ZNF518A: variants seen among roughly 807,000 people sequenced by gnomAD.
The protein encoded by ZNF518A is zinc finger protein 518A.
In ZNF518A, 47 loss-of-function variants were observed where a neutral mutation model predicts 102.7. The observed-to-expected ratio is 0.46, with a 90% confidence interval of 0.36 to 0.58. ZNF518A has a LOEUF of 0.58. ZNF518A is among the 20% of genes least tolerant of loss of function. The probability of loss-of-function intolerance (pLI) is 0.00; values close to 1 mark genes in which losing one functional copy is unlikely to be tolerated. For synonymous variants in ZNF518A, 652 were observed against 594.6 expected, an observed-to-expected ratio of 1.10 and a Z score of -1.40; for missense variants, 1,793 against 1,699.8, an observed-to-expected ratio of 1.05 and a Z score of -0.96.
chr10:96,204,922 A>T, downstream of ZNF518A: 1 of 367,040 alleles, frequency 2.7e-6, no homozygotes, highest in Admixed American at 3.9e-5. Flanking sequence ...TATAGGTGGA[A>T]GCCAGAAGAT....
intron 1 of ZNF518A, among the ~76,000 whole-genome samples, chr10:96,182,240 G>A (rs1216691381): frequency 2.0e-5 from 3 of 152,086 alleles, no homozygotes; most frequent in Non-Finnish European, 4.4e-5. Context: ...CTGATACAAC[G>A]GGGTTTTCTA....
At chr10:96,179,837 CTCA>C (rs1230838573) in intron 1 of ZNF518A, among the ~76,000 whole-genome samples, 1 of 132,532 alleles carries the variant, frequency 7.5e-6, no homozygotes, top group African/African-American at 2.5e-5. Context: ...TCTCCTCCTC[CTCA>C]TCCTTCTTCT....
At chr10:96,194,768 A>ATTTTTTTTTTTCTTTTTTT (rs2083416568) in intron 1 of ZNF518A, among the ~76,000 whole-genome samples, 1 of 110,286 alleles carries the variant, frequency 9.1e-6, no homozygotes, top group Non-Finnish European at 1.8e-5. Flanking sequence ...AGAAATGCAA[A>ATTTTTTTTTTTCTTTTTTT]TTTTTTTTTT....
At chr10:96,131,623 C>T (rs587677143) in intron 1 of ZNF518A, among the ~76,000 whole-genome samples, 2 of 152,204 alleles carry the variant, frequency 1.3e-5, no homozygotes, top group East Asian at 1.9e-4. Context: ...CCAAATGTTT[C>T]CTGTTTGTTG....
Position 96,160,210 on chromosome 10 carries a change from T to TCA in ZNF518A, c.3888_3889insCA (p.Arg1297GlnfsTer43). On this transcript the variant is annotated frameshift_variant, in exon 6 of 6. Coordinates refer to ENST00000316045, the MANE Select transcript of ZNF518A (RefSeq NM_001330736.2). LOFTEE classifies it high-confidence loss of function. ...CTCCAAGAAGAAAAGCAACATTGCA[T>TCA]AGAAAGTGTAAAGAAAAGGCAAAAC... 6.2e-7 allele frequency: 1 copy of TCA among 1,611,640 alleles called. No individual in the cohort carries two copies.
intron 3 of ZNF518A, among the ~76,000 whole-genome samples, chr10:96,143,152 C>T (rs2082020080): frequency 6.6e-6 from 1 of 152,050 alleles, no homozygotes; most frequent in Non-Finnish European, 1.5e-5. Context: ...TTCCTTGGCT[C>T]CTCACTTTTT....
rs1452993251 is a variant in ZNF518A, at chr10:96,158,349, A to G, written c.2027A>G (p.Gln676Arg). The G allele has an allele frequency of 1.2e-6, 2 of 1,613,772 alleles. No individual in the cohort carries two copies. Among genetic ancestry groups the G allele is most frequent in the African/African-American group, 1.3e-5 (1 of 75,042 alleles). ...TCATCCAGCAAAACAGTTGTCCAAC[A>G]ACCAATTAGTGAATCATTTTTATCA... ...ESSSSKTVVQ[Q>R]PISESFLSLV... Residue 676 changes from glutamine (Q) to arginine (R), a missense_variant, in exon 6 of 6, where the codon CAA (glutamine) becomes CGA (arginine). By Grantham distance (43) the Gln-to-Arg change is conservative. Around this residue, in one of 3 missense-constraint regions of ZNF518A, gnomAD observed 1,741 missense variants for 1,622.6 expected, o/e 1.07. Transcript: ENST00000316045.
chr10:96,136,073 G>A (rs1219497772), intron 3 of ZNF518A, among the ~76,000 whole-genome samples: 1 of 152,020 alleles, frequency 6.6e-6, no homozygotes, highest in African/African-American at 2.4e-5. Context: ...ATGAGGTAGT[G>A]GAAAATAAGG....
At chr10:96,164,414 GA>G (rs587704636), downstream of ZNF518A, among the ~76,000 whole-genome samples, 29 of 152,306 alleles carry the variant, frequency 1.9e-4, no homozygotes, top group Admixed American at 1.9e-3. Context: ...TTACTGGGGG[GA>G]TTTTTCAGGG....
intron 1 of ZNF518A, among the ~76,000 whole-genome samples, chr10:96,181,307 C>T (rs587766597): frequency 8.9e-4 from 136 of 152,192 alleles, no homozygotes; most frequent in Non-Finnish European, 1.6e-3. Context: ...CCTGTTCACT[C>T]TGATGGTAGT....
chr10:96,153,410 A>G (rs1233067258), intron 3 of ZNF518A, among the ~76,000 whole-genome samples: 1 of 152,222 alleles, frequency 6.6e-6, no homozygotes, highest in East Asian at 1.9e-4. Flanking sequence ...GTTGATACCT[A>G]AAATTAACCA....
In ZNF518A at chr10:96,200,934, T is replaced by A. The variant is rs782446240; in HGVS notation, n.36-2640T>A. On this transcript the variant is annotated intron_variant and non_coding_transcript_variant, in intron 1 of 2. Coordinates refer to the ZNF518A transcript ENST00000442635. This position sits in a 1 kb window ranked among gnomAD's most constrained non-coding sequence, Gnocchi z 4.3. ...TCTTCTCAGAAGACATGCTCTTTCC[T>A]GCAGTTTCCTGGTAACAATTTAGTG... 1 of 1,524,276 alleles carries A rather than the reference T, an allele frequency of 6.6e-7. No individual in the cohort carries two copies. Among genetic ancestry groups the A allele is most frequent in the Non-Finnish European group, 9.1e-7 (1 of 1,098,230 alleles). 94.4% of individuals were successfully genotyped at this position (1,524,276 alleles called of 1,614,324 possible).
At chr10:96,174,564 T>C (rs142346300) in intron 1 of ZNF518A, among the ~76,000 whole-genome samples, 1 of 152,194 alleles carries the variant, frequency 6.6e-6, no homozygotes, top group East Asian at 1.9e-4. Context: ...CTAGATGAAA[T>C]TGACAAATTC....
At chr10:96,146,298 A>T (rs2082170031) in intron 3 of ZNF518A, among the ~76,000 whole-genome samples, 1 of 152,174 alleles carries the variant, frequency 6.6e-6, no homozygotes, top group African/African-American at 2.4e-5. Context: ...TAGCTTTAGG[A>T]TGCATTTCTA....
chr10:96,176,369 A>T (rs782317981), intron 1 of ZNF518A, among the ~76,000 whole-genome samples: 99 of 152,186 alleles, frequency 6.5e-4, no homozygotes, highest in Non-Finnish European at 1.0e-3. Flanking sequence ...ATTTGAAGCA[A>T]TAATAACTGA....
At chr10:96,134,300 G>A (rs1451084181) in intron 3 of ZNF518A, among the ~76,000 whole-genome samples, 8 of 152,132 alleles carry the variant, frequency 5.3e-5, no homozygotes, top group South Asian at 4.1e-4. Context: ...GCGCGATCTC[G>A]GCTCACTACA....
downstream of ZNF518A, among the ~76,000 whole-genome samples, chr10:96,166,100 C>T (rs1554890301): frequency 6.6e-6 from 1 of 152,152 alleles, no homozygotes; most frequent in Non-Finnish European, 1.5e-5. Context: ...TGTCTCAGCT[C>T]CTGGGGTATG....
chr10:96,171,685 C>T (rs1475608452), intron 1 of ZNF518A, among the ~76,000 whole-genome samples: 11 of 152,030 alleles, frequency 7.2e-5, no homozygotes, highest in African/African-American at 2.7e-4. Context: ...AGTAAGCACA[C>T]ATAGACACAT....
Position 96,200,008 on chromosome 10 carries a change from C to A in ZNF518A, n.36-3566C>A. On this transcript the variant is annotated intron_variant and non_coding_transcript_variant, in intron 1 of 2. Coordinates refer to the ZNF518A transcript ENST00000442635. This position sits in a 1 kb window ranked among gnomAD's most constrained non-coding sequence, Gnocchi z 4.3. ...GAGCCACTGCACTCCAGTGAAACTG[C>A]ATCATCTCAAAACAAATAAATAAAA... The A allele has an allele frequency of 1.0e-6, 1 of 991,956 alleles. No homozygotes were observed. The allele number at this position is 991,956 out of a possible 1,614,324, so 61.4% of individuals were successfully genotyped here. A position where few individuals can be genotyped will look rare whatever the true frequency, so the allele number is the denominator to read the frequency against.
Sources: gnomAD v4.1 joint callset for allele counts (sites outside exome capture counted in the v4.1 genomes callset) on GRCh38, gnomAD v4.1.1 for gene constraint, gnomAD v4.1.1 regional missense constraint, Gnocchi (gnomAD v3.1) non-coding constraint, MANE v1.5 for transcripts, NCBI Gene and HGNC (gene_info 2026-07-23, HGNC 2026-07-21) for gene names.